OR51B5: variants seen among roughly 807,000 people sequenced by gnomAD.
The protein encoded by OR51B5 is olfactory receptor 51B5.
For synonymous variants in OR51B5, 186 were observed against 144.8 expected (o/e 1.28, Z -2.04); for missense variants, 456 against 374.6 (o/e 1.22, Z -1.79).
intron 1 of OR51B5, among the ~76,000 whole-genome samples, chr11:5,360,927 G>A (rs1244398345): frequency 6.6e-6 from 1 of 151,364 alleles, no homozygotes; most frequent in East Asian, 1.9e-4. Flanking sequence ...ACTCATAGGT[G>A]GGAATTGAAC....
chr11:5,465,077 G>C (rs1359191910), intron 1 of OR51B5, among the ~76,000 whole-genome samples: 1 of 150,614 alleles, frequency 6.6e-6, no homozygotes, highest in African/African-American at 2.4e-5. Flanking sequence ...GTAGTGGCGG[G>C]CGCCTGTAGT....
intron 1 of OR51B5, among the ~76,000 whole-genome samples, chr11:5,406,521 T>A (rs1437720034): frequency 1.3e-5 from 2 of 152,130 alleles, no homozygotes; most frequent in African/African-American, 4.8e-5. Flanking sequence ...AACTTAAAAT[T>A]TATACCTTTG....
At chr11:5,398,291 T>C (rs143247996) in intron 1 of OR51B5, among the ~76,000 whole-genome samples, 1 of 152,346 alleles carries the variant, frequency 6.6e-6, no homozygotes, top group African/African-American at 2.4e-5. Flanking sequence ...ACAAAGATAC[T>C]GACTCTATAT....
At chr11:5,434,415 G>A (rs1311382567) in intron 1 of OR51B5, among the ~76,000 whole-genome samples, 5 of 152,148 alleles carry the variant, frequency 3.3e-5, no homozygotes, top group Non-Finnish European at 5.9e-5. Context: ...ACTTGGATTT[G>A]CTTATAACAC....
Position 5,448,277 on chromosome 11 carries a change from G to A in OR51B5, n.84+57292C>T, listed in dbSNP as rs117817799. On this transcript the variant is annotated intron_variant and non_coding_transcript_variant, in intron 1 of 4. Coordinates refer to the OR51B5 transcript ENST00000415970. ...CTAGGTTAGATTGTGACTGATCCAT[G>A]TGAAGCCAACAGAGTCACTTAATAT... Among the ~76,000 whole-genome samples, 60 of 152,254 alleles carry A rather than the reference G, an allele frequency of 3.9e-4. 1 individual carries two copies. The East Asian group carries it at 8.9e-3, about 23-fold the overall frequency.
chr11:5,385,063 T>A (rs1398834562), intron 1 of OR51B5, among the ~76,000 whole-genome samples: 2 of 152,210 alleles, frequency 1.3e-5, no homozygotes, highest in Non-Finnish European at 2.9e-5. Context: ...ACAGGTGAGG[T>A]AGAGAGCCAA....
intron 1 of OR51B5, among the ~76,000 whole-genome samples, chr11:5,373,298 A>G (rs917627442): frequency 1.3e-5 from 2 of 152,170 alleles, no homozygotes; most frequent in African/African-American, 2.4e-5. Context: ...TTTCACTGGA[A>G]GTCTATATTG....
intron 1 of OR51B5, among the ~76,000 whole-genome samples, chr11:5,377,157 T>C (rs887456660): frequency 2.6e-5 from 4 of 152,088 alleles, no homozygotes; most frequent in African/African-American, 2.4e-5. Flanking sequence ...TGGTTCAATA[T>C]ATGCAAATCA....
chr11:5,352,290 G>A, intron 1 of OR51B5: 2 of 1,614,150 alleles, frequency 1.2e-6, no homozygotes, highest in Non-Finnish European at 1.7e-6. Flanking sequence ...TTATTCATAG[G>A]TTTGGAAAGC....
At chr11:5,397,070 C>T (rs1457725097) in intron 1 of OR51B5, among the ~76,000 whole-genome samples, 1 of 152,192 alleles carries the variant, frequency 6.6e-6, no homozygotes, top group African/African-American at 2.4e-5. Flanking sequence ...GGATTAAAGA[C>T]TTAAATGTTA....
chr11:5,400,915 A>G (rs747941153), intron 1 of OR51B5, among the ~76,000 whole-genome samples: 3 of 152,234 alleles, frequency 2.0e-5, no homozygotes, highest in Admixed American at 6.5e-5. Context: ...TGGAAAGTTC[A>G]TACAAGAATC....
chr11:5,488,777 A>G, intron 1 of OR51B5: 1 of 1,614,008 alleles, frequency 6.2e-7, no homozygotes. Flanking sequence ...CCAGGGCTGG[A>G]GGCTGCCCAC....
intron 1 of OR51B5, chr11:5,454,301 C>T: frequency 1.2e-6 from 2 of 1,614,192 alleles, no homozygotes; most frequent in Non-Finnish European, 1.7e-6. Flanking sequence ...TCCCATGCTA[C>T]ATACATGTCC....
At chr11:5,414,762 C>T (rs1403313072) in intron 1 of OR51B5, among the ~76,000 whole-genome samples, 1 of 152,176 alleles carries the variant, frequency 6.6e-6, no homozygotes, top group Non-Finnish European at 1.5e-5. Flanking sequence ...CAGGAGCACC[C>T]AGATTCATAA....
chr11:5,464,507 G>C lies in OR51B5; in HGVS notation n.84+41062C>G, dbSNP rs908945049. ...TGTGTCCATGTGATCTCATTGTTCA[G>C]TTCCCACCTATGAGTGAGAATATGT... On this transcript the variant is annotated intron_variant and non_coding_transcript_variant, in intron 1 of 4. Transcript: ENST00000415970. 2.9e-5 allele frequency among the ~76,000 whole-genome samples: 4 copies of C among 138,236 alleles called. No homozygotes were observed. The Admixed American group carries it at 3.4e-4, about 12-fold the overall frequency. 90.7% of individuals were successfully genotyped at this position (138,236 alleles called of 152,430 possible).
intron 1 of OR51B5, among the ~76,000 whole-genome samples, chr11:5,420,021 A>G (rs1850307028): frequency 2.1e-5 from 1 of 48,358 alleles, no homozygotes; most frequent in Admixed American, 2.8e-4. Context: ...TTTGAAAACA[A>G]ATGTTGCATA....
chr11:5,376,012 T>C (rs866652678), intron 1 of OR51B5, among the ~76,000 whole-genome samples: 5,588 of 152,122 alleles, frequency 0.037, 342 homozygotes, highest in African/African-American at 0.13. Context: ...ATATACATTT[T>C]TTTTCAGCAC....
chr11:5,413,226 C>T (rs920606959), intron 1 of OR51B5, among the ~76,000 whole-genome samples: 4 of 152,214 alleles, frequency 2.6e-5, no homozygotes, highest in African/African-American at 9.6e-5. Context: ...GCTGAGGGTC[C>T]TGTCTGTTAG....
At chr11:5,474,071 C>T (rs1244842321) in intron 1 of OR51B5, among the ~76,000 whole-genome samples, 1 of 152,038 alleles carries the variant, frequency 6.6e-6, no homozygotes, top group Non-Finnish European at 1.5e-5. Flanking sequence ...ACTGATTTAA[C>T]CTAATTACAA....
Sources: gnomAD v4.1 joint callset for allele counts (sites outside exome capture counted in the v4.1 genomes callset) on GRCh38, gnomAD v4.1.1 for gene constraint, MANE v1.5 for transcripts, NCBI Gene and HGNC (gene_info 2026-07-23, HGNC 2026-07-21) for gene names.